The following RAB3GAP1 variants were observed in gnomAD, a reference collection of about 807,000 sequenced individuals.
The protein encoded by RAB3GAP1 is rab3 GTPase-activating protein catalytic subunit.
A neutral mutation model predicts 130.7 loss-of-function variants in RAB3GAP1; 86 were observed. The ratio of observed to expected loss-of-function variants is 0.66; its 90% confidence interval spans 0.55 to 0.79. RAB3GAP1 has a LOEUF of 0.79. RAB3GAP1 is among the 30% of genes least tolerant of loss of function. RAB3GAP1 has a pLI of 0.00. For synonymous variants in RAB3GAP1, 367 were observed against 401.7 expected (o/e 0.91, Z 1.03); for missense variants, 1,029 against 1,169.4 (o/e 0.88, Z 1.75).
intron 2 of RAB3GAP1, 88 bp downstream of exon 2, chr2:135,052,573 C>T: frequency 2.0e-6 from 3 of 1,476,462 alleles, no homozygotes; most frequent in Non-Finnish European, 2.8e-6. Context: ...CCACAAGTGA[C>T]GCCACTTGTG....
chr2:135,115,292 C>G lies in RAB3GAP1; in HGVS notation c.559C>G (p.Arg187Gly). The G allele has an allele frequency of 6.2e-7, 1 of 1,613,148 alleles. No homozygotes were observed. Reference protein sequence around the residue: ...YVGECQGPGVRTDFEMVHLRK... With the variant: ...YVGECQGPGVGTDFEMVHLRK... ...AGGAGAATGTCAAGGTCCTGGTGTACGAACTGATTTCGAAATGGTTCATCT... is the reference window on the plus strand; with the variant it reads ...AGGAGAATGTCAAGGTCCTGGTGTAGGAACTGATTTCGAAATGGTTCATCT... The change falls in exon 7 of 24, where the codon CGA (arginine) becomes GGA (glycine). Residue 187 changes from arginine (R) to glycine (G), a missense_variant. By Grantham distance (125) the Arg-to-Gly change is moderately radical. Transcript: ENST00000264158.
rs150064306 is a variant in RAB3GAP1 at position 135,146,810 on chromosome 2, A to T, written c.1924-3559A>T. Among the ~76,000 whole-genome samples the T allele has an allele frequency of 3.9e-3, 592 of 152,280 alleles. 11 individuals are homozygous for T. The highest frequency in any genetic ancestry group is 0.037 in the Admixed American group (566 of 15,300). On this transcript the variant is annotated intron_variant, in intron 17 of 23. Transcript: ENST00000264158. Reference sequence around the variant, plus strand: ...CACGTATTGTATGTATCAATAGTTCATGCACATTTTTAGGTTTAGTCGTAT... The same window carrying T: ...CACGTATTGTATGTATCAATAGTTCTTGCACATTTTTAGGTTTAGTCGTAT...
At position 135,094,448 on chromosome 2, in the gene RAB3GAP1, A is replaced by C. The variant is rs559978242; in HGVS notation, c.362+755A>C. Among the ~76,000 whole-genome samples, 66 of 152,288 alleles carry C rather than the reference A, an allele frequency of 4.3e-4. 1 individual carries two copies. The highest frequency in any genetic ancestry group is 9.8e-4 in the Admixed American group (15 of 15,300). ...CATATACAACAAATTATTGTTAACT[A>C]TAGGCACCCTATTTTGCTACTGAAT... On this transcript the variant is annotated intron_variant, in intron 5 of 23. Coordinates refer to ENST00000264158, the MANE Select transcript of RAB3GAP1 (RefSeq NM_012233.3).
At chr2:135,089,240 C>G (rs11691850) in intron 3 of RAB3GAP1, among the ~76,000 whole-genome samples, 1 of 151,814 alleles carries the variant, frequency 6.6e-6, no homozygotes, top group African/African-American at 2.4e-5. Flanking sequence ...GTTCTGTTCC[C>G]TTGGTCTATA....
chr2:135,139,909 G>T (rs919400674), intron 17 of RAB3GAP1, among the ~76,000 whole-genome samples: 29 of 152,078 alleles, frequency 1.9e-4, no homozygotes, highest in Non-Finnish European at 1.0e-4. Flanking sequence ...GTCACCATAG[G>T]TTAGCTTTGT....
At chr2:135,164,409 G>A (rs1692566502) in intron 22 of RAB3GAP1, among the ~76,000 whole-genome samples, 185 bp from the exon 23 acceptor site, 1 of 152,204 alleles carries the variant, frequency 6.6e-6, no homozygotes, top group South Asian at 2.1e-4. Context: ...CAGGAAGATT[G>A]TCAGTTAAGT....
chr2:135,127,481 C>G (rs558230408), intron 11 of RAB3GAP1, among the ~76,000 whole-genome samples: 23 of 151,798 alleles, frequency 1.5e-4, no homozygotes, highest in Admixed American at 2.6e-4. Flanking sequence ...GTAGCTGGGA[C>G]TATAGGCGCC....
chr2:135,088,680 C>T (rs1362096108), intron 3 of RAB3GAP1, among the ~76,000 whole-genome samples: 1 of 130,774 alleles, frequency 7.6e-6, no homozygotes, highest in East Asian at 2.1e-4. Context: ...CAGAGCGAGA[C>T]TCCATCTCAA....
At chr2:135,060,742 G>T (rs185561732) in intron 3 of RAB3GAP1, among the ~76,000 whole-genome samples, 5 of 151,994 alleles carry the variant, frequency 3.3e-5, no homozygotes, top group Middle Eastern at 3.4e-3. Flanking sequence ...GTCTTGCTCT[G>T]TTGCCCAGGC....
chr2:135,106,126 C>G (rs1398088468), intron 5 of RAB3GAP1, among the ~76,000 whole-genome samples: 1 of 151,870 alleles, frequency 6.6e-6, no homozygotes, highest in East Asian at 2.0e-4. Flanking sequence ...GCCAGCCGCC[C>G]CGTCCAGGAG....
At chr2:135,103,351 T>C (rs1015982030) in intron 5 of RAB3GAP1, among the ~76,000 whole-genome samples, 7 of 152,064 alleles carry the variant, frequency 4.6e-5, no homozygotes, top group Non-Finnish European at 1.0e-4. Flanking sequence ...TTTTGTGACT[T>C]TAATGTATTT....
At chr2:135,117,948 G>C (rs1691079764) in intron 7 of RAB3GAP1, among the ~76,000 whole-genome samples, 2 of 151,852 alleles carry the variant, frequency 1.3e-5, no homozygotes, top group Admixed American at 1.3e-4. Flanking sequence ...GACCTCCTGG[G>C]GTCACTGACT....
chr2:135,112,999 T>C, intron 5 of RAB3GAP1, 152 bp from the exon 6 acceptor site: 1 of 949,160 alleles, frequency 1.1e-6, no homozygotes, highest in Non-Finnish European at 1.6e-6. Flanking sequence ...AAAGTTGAGG[T>C]CTTGTAGGTT....
chr2:135,067,104 T>A (rs888695112), intron 3 of RAB3GAP1, among the ~76,000 whole-genome samples: 1 of 152,220 alleles, frequency 6.6e-6, no homozygotes, highest in Non-Finnish European at 1.5e-5. Flanking sequence ...GTTATAACAA[T>A]AAGTCAAATT....
chr2:135,059,855 A>C (rs1478051373), intron 3 of RAB3GAP1, among the ~76,000 whole-genome samples: 4 of 152,184 alleles, frequency 2.6e-5, no homozygotes, highest in African/African-American at 7.2e-5. Context: ...GATACAGAAA[A>C]TATGGGCAGA....
chr2:135,091,128 A>T lies in RAB3GAP1; in HGVS notation c.281A>T (p.Glu94Val). ...TDKEGKDELL[E>V]DVVPQSMQDL... Reference sequence around the variant, plus strand: ...AAAGAAGGAAAGGATGAGTTATTAGAGGGTAAGTTATTTCTATATAATAAT... The same window carrying T: ...AAAGAAGGAAAGGATGAGTTATTAGTGGGTAAGTTATTTCTATATAATAAT... Residue 94 changes from glutamate (E) to valine (V), a missense_variant and splice_region_variant, in exon 4 of 24, where the codon GAG becomes GTG. Physicochemically the swap from Glu to Val is moderately radical, Grantham distance 121. This residue lies in a region of RAB3GAP1 where 510 missense variants were observed against 532.1 expected (regional missense o/e 0.96). Coordinates refer to ENST00000264158, the MANE Select transcript of RAB3GAP1 (RefSeq NM_012233.3). 1 of 1,580,906 alleles carries T rather than the reference A, an allele frequency of 6.3e-7. No homozygotes were observed. Among genetic ancestry groups the T allele is most frequent in the Admixed American group, 1.7e-5 (1 of 59,904 alleles).
At chr2:135,057,787 T>A (rs1689054732) in intron 2 of RAB3GAP1, among the ~76,000 whole-genome samples, 1 of 152,276 alleles carries the variant, frequency 6.6e-6, no homozygotes, top group Non-Finnish European at 1.5e-5. Flanking sequence ...AATGCTTTTG[T>A]TGGGTAAGCA....
At position 135,107,418 on chromosome 2, in the gene RAB3GAP1, CAA is replaced by C. The variant is rs1483910503; in HGVS notation, c.363-5731_363-5730del. Among the ~76,000 whole-genome samples, 3 of 150,182 alleles carry C rather than the reference CAA, an allele frequency of 2.0e-5. No individual in the cohort carries two copies. In the South Asian group the frequency reaches 6.4e-4, roughly 32 times the overall value. ...ATGTAATATATATGACAATATTGCA[CAA>C]AGGAAGGGGGAAGGAATGGAGTTAT... On this transcript the variant is annotated intron_variant, in intron 5 of 23. Coordinates refer to ENST00000264158, the MANE Select transcript of RAB3GAP1 (RefSeq NM_012233.3).
At chr2:135,146,210 T>TC (rs1691988701) in intron 17 of RAB3GAP1, among the ~76,000 whole-genome samples, 1 of 145,692 alleles carries the variant, frequency 6.9e-6, no homozygotes, top group South Asian at 2.2e-4. Context: ...TTTTTTTTTT[T>TC]TTTTTTTTTT....
Sources: gnomAD v4.1 joint callset for allele counts (sites outside exome capture counted in the v4.1 genomes callset) on GRCh38, gnomAD v4.1.1 for gene constraint, gnomAD v4.1.1 regional missense constraint, MANE v1.5 for transcripts, NCBI Gene and HGNC (gene_info 2026-07-23, HGNC 2026-07-21) for gene names.